Variants in PSMA6 observed in about 807,000 individuals in gnomAD.
PSMA6 encodes the protein proteasome 20S subunit alpha 6.
For missense variants in PSMA6, 170 were observed against 294.8 expected, an observed-to-expected ratio of 0.58 and a Z score of 3.10; for synonymous variants, 88 against 97.7, an observed-to-expected ratio of 0.90 and a Z score of 0.59.
At chr14:35,307,740 G>A (rs914235891) in intron 1 of PSMA6, among the ~76,000 whole-genome samples, 1 of 151,846 alleles carries the variant, frequency 6.6e-6, no homozygotes. Context: ...TTTAAAAAAA[G>A]AAAAAAACTT....
intron 1 of PSMA6, among the ~76,000 whole-genome samples, chr14:35,284,957 T>G (rs1415489708): frequency 3.9e-5 from 6 of 152,188 alleles, no homozygotes; most frequent in Non-Finnish European, 8.8e-5. Flanking sequence ...TGTGGTTGAT[T>G]TTTGGAACTT....
intron 3 of PSMA6, among the ~76,000 whole-genome samples, chr14:35,309,478 C>T (rs2051897454): frequency 6.6e-6 from 1 of 151,756 alleles, no homozygotes; most frequent in Admixed American, 6.6e-5. Flanking sequence ...GGTGAGACTC[C>T]ATCTCTATAA....
intron 6 of PSMA6, 200 bp downstream of exon 6, chr14:35,314,655 C>T (rs1241807574): frequency 3.9e-6 from 2 of 516,140 alleles, no homozygotes; most frequent in Non-Finnish European, 5.7e-6. Flanking sequence ...AAGCTTTTCT[C>T]CTTATTTCAG....
chr14:35,310,677 G>T, intron 3 of PSMA6, 63 bp from the exon 4 acceptor site: 1 of 1,561,942 alleles, frequency 6.4e-7, no homozygotes, highest in Non-Finnish European at 8.8e-7. Context: ...TGGCTAAATT[G>T]CCTGGCTTTC....
chr14:35,309,085 A>G lies in PSMA6; in HGVS notation c.253+90A>G, dbSNP rs191197442. 6.1e-4 allele frequency: 614 copies of G among 1,003,096 alleles called. 3 individuals carry two copies. In the African/African-American group the frequency reaches 8.9e-3, roughly 15 times the overall value. The allele number at this position is 1,003,096 out of a possible 1,614,324, so 62.1% of individuals were successfully genotyped here. A position where few individuals can be genotyped will look rare whatever the true frequency, so the allele number is the denominator to read the frequency against. On this transcript the variant is annotated intron_variant, in intron 3 of 6. Coordinates refer to ENST00000261479, the MANE Select transcript of PSMA6 (RefSeq NM_002791.3). ...TTATTTTGAGTTTTGTATTAATTTT[A>G]AACTTATTGCCTGATTTTCAAGTGC...
chr14:35,307,893 T>C, intron 1 of PSMA6, 101 bp from the exon 2 acceptor site: 1 of 1,092,014 alleles, frequency 9.2e-7, no homozygotes, highest in Non-Finnish European at 1.3e-6. Context: ...GAGCATTCTG[T>C]GTTCATGTAG....
At chr14:35,307,275 A>G (rs1160389842) in intron 1 of PSMA6, among the ~76,000 whole-genome samples, 2 of 152,262 alleles carry the variant, frequency 1.3e-5, no homozygotes, top group African/African-American at 4.8e-5. Flanking sequence ...TCATGTGGTC[A>G]AATTAGTTAC....
At chr14:35,307,462 G>A (rs1467017569) in intron 1 of PSMA6, among the ~76,000 whole-genome samples, 2 of 152,156 alleles carry the variant, frequency 1.3e-5, no homozygotes, top group Admixed American at 1.3e-4. Flanking sequence ...GGCGGGGAGT[G>A]GTGGCTCACA....
At chr14:35,285,562 T>A (rs2051414416) in intron 1 of PSMA6, among the ~76,000 whole-genome samples, 1 of 152,108 alleles carries the variant, frequency 6.6e-6, no homozygotes, top group Non-Finnish European at 1.5e-5. Context: ...GGTAAGAAAA[T>A]AGGAATTAGA....
intron 3 of PSMA6, among the ~76,000 whole-genome samples, chr14:35,309,911 G>C (rs2051907517): frequency 6.6e-6 from 1 of 152,166 alleles, no homozygotes; most frequent in African/African-American, 2.4e-5. Flanking sequence ...GGTAGAGGTT[G>C]CAGTGAGCCA....
chr14:35,317,330 C>T lies in PSMA6; in HGVS notation c.*24C>T. 6.3e-7 allele frequency: 1 copy of T among 1,579,742 alleles called. No homozygotes were observed. The highest frequency in any genetic ancestry group is 8.7e-7 in the Non-Finnish European group (1 of 1,150,446). On this transcript the variant is annotated 3_prime_UTR_variant, in exon 7 of 7. Coordinates refer to ENST00000261479, the MANE Select transcript of PSMA6 (RefSeq NM_002791.3). ...AAACATTGTCGTTAGTTTACCAGAT[C>T]CGTGATGCCACTTACCTGTGTGTTT...
Position 35,278,972 on chromosome 14 carries a change from G to A in PSMA6, c.19+254G>A, listed in dbSNP as rs12323551. Among the ~76,000 whole-genome samples, 613 of 151,844 alleles carry A rather than the reference G, an allele frequency of 4.0e-3. 6 individuals are homozygous for A. Among genetic ancestry groups the A allele is most frequent in the African/African-American group, 0.014 (575 of 41,374 alleles). On this transcript the variant is annotated intron_variant, in intron 1 of 6. Transcript: ENST00000540871. ...ATACTTATTCTCTAGGAACTCTTTC[G>A]TAACATGTTTTTTTCACCTGACAGA...
intron 2 of PSMA6, 28 bp downstream of exon 2, chr14:35,308,116 A>G: frequency 1.2e-6 from 2 of 1,611,050 alleles, no homozygotes; most frequent in Non-Finnish European, 1.7e-6. Flanking sequence ...AATAGTTAAT[A>G]ATTGCAGAAT....
At chr14:35,302,447 G>C (rs1327101428) in intron 1 of PSMA6, among the ~76,000 whole-genome samples, 1 of 151,948 alleles carries the variant, frequency 6.6e-6, no homozygotes, top group Non-Finnish European at 1.5e-5. Context: ...GTTTTTCTCT[G>C]TTTTCAAAAT....
intron 1 of PSMA6, among the ~76,000 whole-genome samples, chr14:35,296,384 G>GGTCGC: frequency 6.6e-6 from 1 of 152,138 alleles, no homozygotes; most frequent in African/African-American, 2.4e-5. Flanking sequence ...AGGCTAGAGT[G>GGTCGC]CAATGGCGTG....
rs753312082 is a variant in PSMA6 at position 35,317,352 on chromosome 14, G to A, written c.*46G>A. On this transcript the variant is annotated 3_prime_UTR_variant, in exon 7 of 7. Transcript: ENST00000261479. ...GATCCGTGATGCCACTTACCTGTGT[G>A]TTTGGTAACAACAAACCAACATCAT... The A allele has an allele frequency of 3.6e-5, 55 of 1,531,912 alleles. No individual in the cohort carries two copies. Among genetic ancestry groups the A allele is most frequent in the Non-Finnish European group, 4.6e-5 (51 of 1,107,646 alleles). The allele number at this position is 1,531,912 out of a possible 1,614,324, so 94.9% of individuals were successfully genotyped here. A position where few individuals can be genotyped will look rare whatever the true frequency, so the allele number is the denominator to read the frequency against.
At chr14:35,286,782 G>A (rs2051425706) in intron 1 of PSMA6, among the ~76,000 whole-genome samples, 1 of 152,100 alleles carries the variant, frequency 6.6e-6, no homozygotes, top group African/African-American at 2.4e-5. Context: ...GGCACAGAAG[G>A]GAAATGATAG....
intron 1 of PSMA6, among the ~76,000 whole-genome samples, chr14:35,303,225 G>A (rs1301490917): frequency 1.3e-5 from 2 of 152,146 alleles, no homozygotes; most frequent in African/African-American, 2.4e-5. Context: ...AAGCTACAAA[G>A]TCTGTCTCTT....
chr14:35,303,087 A>G (rs1211537898), intron 1 of PSMA6, among the ~76,000 whole-genome samples: 1 of 152,090 alleles, frequency 6.6e-6, no homozygotes, highest in Admixed American at 6.6e-5. Flanking sequence ...TTTTTGGTAT[A>G]TTGAGAGTTC....
Sources: gnomAD v4.1 joint callset for allele counts (sites outside exome capture counted in the v4.1 genomes callset) on GRCh38, gnomAD v4.1.1 for gene constraint, MANE v1.5 for transcripts, NCBI Gene and HGNC (gene_info 2026-07-23, HGNC 2026-07-21) for gene names.